The following KIF21A variants were observed in gnomAD, a reference collection of about 807,000 sequenced individuals.
The protein encoded by KIF21A is kinesin family member 21A, also known as kinesin-like protein KIF21A.
A neutral mutation model predicts 202.9 loss-of-function variants in KIF21A; 114 were observed. The ratio of observed to expected loss-of-function variants is 0.56; its 90% CI spans 0.48 to 0.66. The LOEUF (loss-of-function observed/expected upper bound fraction) is 0.66. KIF21A is among the 30% of genes least tolerant of loss of function. KIF21A has a pLI of 0.00. For synonymous variants in KIF21A, 667 were observed against 670.8 expected (o/e 0.99, Z 0.09); for missense variants, 1,677 against 1,994.9 (o/e 0.84, Z 3.04).
rs1239692118 is a variant in KIF21A at position 39,442,785 on chromosome 12, C to G, written c.44+142G>C. 3 of 1,046,426 alleles carry G rather than the reference C, an allele frequency of 2.9e-6. No individual in the cohort carries two copies. The highest frequency in any genetic ancestry group is 4.1e-6 in the Non-Finnish European group (3 of 723,904). 64.8% of individuals were successfully genotyped at this position (1,046,426 alleles called of 1,614,324 possible). A position where few individuals can be genotyped will look rare whatever the true frequency, so the allele number is the denominator to read the frequency against. On this transcript the variant is annotated intron_variant, in intron 1 of 37. Coordinates refer to ENST00000361418, the MANE Select transcript of KIF21A (RefSeq NM_001173464.2). The surrounding 1 kb of genome is among the most constrained non-coding windows in gnomAD (Gnocchi z 5.0). ...TGCCAGGCCAGCGGGGACTCACTGC[C>G]TCAGTTTCCTCAGCCGCAGAACCCG...
intron 1 of KIF21A, among the ~76,000 whole-genome samples, chr12:39,383,971 G>A (rs1444000802): frequency 2.6e-5 from 4 of 152,088 alleles, no homozygotes; most frequent in African/African-American, 7.2e-5. Flanking sequence ...CTGAGATTCT[G>A]CATTTCTAAT....
intron 1 of KIF21A, among the ~76,000 whole-genome samples, chr12:39,388,532 T>G (rs1348226235): frequency 6.6e-6 from 1 of 152,152 alleles, no homozygotes; most frequent in Non-Finnish European, 1.5e-5. Context: ...ATTATATCAA[T>G]ATCCTAGGGA....
At chr12:39,417,803 TACAGTATGACAAGTATG>T (rs763552557) in intron 1 of KIF21A, among the ~76,000 whole-genome samples, 13 of 152,026 alleles carry the variant, frequency 8.6e-5, no homozygotes, top group Non-Finnish European at 1.8e-4. Context: ...TAATATAAAA[TACAGTATGACAAGTATG>T]ACAGTATGAC....
intron 26 of KIF21A, among the ~76,000 whole-genome samples, chr12:39,324,074 C>T (rs1246748745): frequency 6.6e-6 from 1 of 151,810 alleles, no homozygotes; most frequent in African/African-American, 2.4e-5. Flanking sequence ...CGCGCCACTG[C>T]ACTCCAGTCT....
intron 1 of KIF21A, among the ~76,000 whole-genome samples, chr12:39,425,267 C>T (rs1001029922): frequency 6.6e-6 from 1 of 152,182 alleles, no homozygotes; most frequent in Non-Finnish European, 1.5e-5. Context: ...TCTATCCTCA[C>T]CCAATGCTCA....
In KIF21A at chr12:39,338,531, C is replaced by G. The variant is rs74947077; in HGVS notation, c.2311-1328G>C. Among the ~76,000 whole-genome samples the G allele has an allele frequency of 4.2e-3, 634 of 152,296 alleles. 7 individuals carry two copies. The highest frequency in any genetic ancestry group is 0.015 in the African/African-American group (619 of 41,552). On this transcript the variant is annotated intron_variant, in intron 16 of 37. Transcript: ENST00000361418. ...TGTATAGCTATGTCCTAGGACTTCACGTTCATTCACCATTCACTCACTGAC... is the reference window on the plus strand; with the variant it reads ...TGTATAGCTATGTCCTAGGACTTCAGGTTCATTCACCATTCACTCACTGAC...
chr12:39,359,071 T>C (rs1350691333), intron 7 of KIF21A, among the ~76,000 whole-genome samples: 3 of 152,158 alleles, frequency 2.0e-5, no homozygotes. Context: ...AACTAAAAAA[T>C]GTGTAGGAAC....
chr12:39,305,230 G>T (rs1415349762), intron 34 of KIF21A, among the ~76,000 whole-genome samples: 2 of 152,002 alleles, frequency 1.3e-5, no homozygotes, highest in South Asian at 2.1e-4. Context: ...GCCGGATGTG[G>T]TGGTGGGTGC....
intron 1 of KIF21A, among the ~76,000 whole-genome samples, chr12:39,413,235 T>G (rs1953259165): frequency 6.6e-6 from 1 of 152,214 alleles, no homozygotes. Flanking sequence ...TTTTGTTATC[T>G]TGACCCCGTA....
intron 7 of KIF21A, 107 bp from the exon 8 acceptor site, chr12:39,358,480 C>T: frequency 6.8e-6 from 7 of 1,027,994 alleles, no homozygotes; most frequent in Non-Finnish European, 1.1e-5. Context: ...CTTCAAGATA[C>T]CAAAATATTG....
At chr12:39,377,557 C>T (rs1592423119) in intron 1 of KIF21A, among the ~76,000 whole-genome samples, 1 of 152,236 alleles carries the variant, frequency 6.6e-6, no homozygotes. Flanking sequence ...CATTTGTGGA[C>T]TTGCTGAATT....
At chr12:39,384,398 G>A (rs1190217860) in intron 1 of KIF21A, among the ~76,000 whole-genome samples, 3 of 152,092 alleles carry the variant, frequency 2.0e-5, no homozygotes, top group African/African-American at 7.2e-5. Context: ...TAAATCAGTG[G>A]TTCACAGCAT....
Position 39,303,088 on chromosome 12 carries a change from G to A in KIF21A, c.4608C>T (p.His1536=), listed in dbSNP as rs138044990. 3.2e-5 allele frequency: 51 copies of A among 1,613,904 alleles called. No homozygotes were observed. Among genetic ancestry groups the A allele is most frequent in the Non-Finnish European group, 2.5e-6 (3 of 1,179,960 alleles). ...CATCATAATGAGGGGGTTCAAAATT[G>A]TGGGTGGGACTCACAGTCCCAAGAG... ...EGALGTVSPT[H]NFEPPHYDGI... The change falls in exon 36 of 38, where the codon CAC becomes CAT. Residue 1536 remains histidine, a synonymous_variant. Transcript: ENST00000361418.
At chr12:39,411,167 T>A (rs764819348) in intron 1 of KIF21A, among the ~76,000 whole-genome samples, 2 of 152,206 alleles carry the variant, frequency 1.3e-5, no homozygotes, top group Non-Finnish European at 2.9e-5. Flanking sequence ...CTCTTTTAGC[T>A]CTCAACCACC....
At chr12:39,415,230 C>CTTTTTT (rs1161997461) in intron 1 of KIF21A, among the ~76,000 whole-genome samples, 2 of 55,460 alleles carry the variant, frequency 3.6e-5, no homozygotes, top group Non-Finnish European at 6.7e-5. Flanking sequence ...GTAGAGAATG[C>CTTTTTT]TTTTTTTTTT....
At chr12:39,346,587 G>A (rs1947914794) in intron 11 of KIF21A, 83 bp from the exon 12 acceptor site, 1 of 912,120 alleles carries the variant, frequency 1.1e-6, no homozygotes, top group Non-Finnish European at 1.5e-6. Context: ...TGATAAGAAG[G>A]TAAAAATGAT....
intron 1 of KIF21A, among the ~76,000 whole-genome samples, chr12:39,416,876 T>C (rs1454432938): frequency 6.8e-6 from 1 of 147,466 alleles, no homozygotes; most frequent in African/African-American, 2.5e-5. Context: ...TATATAGATA[T>C]GTACATATAT....
At chr12:39,410,108 G>T (rs1474531629) in intron 1 of KIF21A, among the ~76,000 whole-genome samples, 2 of 152,280 alleles carry the variant, frequency 1.3e-5, no homozygotes, top group Non-Finnish European at 2.9e-5. Context: ...TGGGATTACA[G>T]GCATGAGCCA....
intron 1 of KIF21A, among the ~76,000 whole-genome samples, chr12:39,436,449 T>TATATATATATATATATATATATATATA (rs1491365902): frequency 1.5e-4 from 13 of 86,826 alleles, no homozygotes; most frequent in South Asian, 8.0e-4. Flanking sequence ...TATATATATA[T>TATATATATATATATATATATATATATA]TTTTTTTTTT....
Sources: gnomAD v4.1 joint callset for allele counts (sites outside exome capture counted in the v4.1 genomes callset) on GRCh38, gnomAD v4.1.1 for gene constraint, Gnocchi (gnomAD v3.1) non-coding constraint, MANE v1.5 for transcripts, NCBI Gene and HGNC (gene_info 2026-07-23, HGNC 2026-07-21) for gene names.